The following UTP15 variants were observed in gnomAD, a reference collection of about 807,000 sequenced individuals.
UTP15 encodes U3 small nucleolar RNA-associated protein 15 homolog.
UTP15 carries 5 observed loss-of-function variants against 59.1 expected under a neutral mutation model. The observed-to-expected ratio is 0.08, with a 90% CI of 0.04 to 0.18. The LOEUF is 0.18. Among genes scored for constraint, UTP15 ranks in the 10% least tolerant of loss-of-function variants. The probability of loss-of-function intolerance (pLI) is 1.00; values close to 1 mark genes in which losing one functional copy is unlikely to be tolerated. For missense variants in UTP15, 494 were observed against 616.7 expected (o/e 0.80, Z 2.11); for synonymous variants, 211 against 212.2 (o/e 0.99, Z 0.05).
chr5:73,572,115 A>C (rs1429957082), intron 6 of UTP15, among the ~76,000 whole-genome samples: 1 of 152,052 alleles, frequency 6.6e-6, no homozygotes, highest in Non-Finnish European at 1.5e-5. Context: ...GTCTTTCCAT[A>C]TTAGACTTTT....
At chr5:73,577,713 G>A (rs1748143191) in intron 8 of UTP15, 143 bp from the exon 9 acceptor site, 46 of 679,972 alleles carry the variant, frequency 6.8e-5, no homozygotes, top group South Asian at 6.4e-4. Flanking sequence ...ACCAATCATC[G>A]TTAGGCAGAC....
intron 6 of UTP15, among the ~76,000 whole-genome samples, 164 bp downstream of exon 6, chr5:73,570,875 T>C (rs1016696100): frequency 6.6e-6 from 1 of 152,250 alleles, no homozygotes; most frequent in Non-Finnish European, 1.5e-5. Flanking sequence ...ATTTATTGTG[T>C]ACCTAATGTG....
Position 73,570,709 on chromosome 5 carries a change from C to CAGGT in UTP15, c.673_673+3dup. 6.2e-7 allele frequency: 1 copy of CAGGT among 1,610,848 alleles called. No homozygotes were observed. Among genetic ancestry groups the CAGGT allele is most frequent in the Non-Finnish European group, 8.5e-7 (1 of 1,179,190 alleles). Reference sequence around the variant, plus strand: ...CCCTCTGGAGGTCTTCTGGTGTCAGCAGGTACTTCTTAAAAATAGCTTTCA... The same window carrying CAGGT: ...CCCTCTGGAGGTCTTCTGGTGTCAGCAGGTAGGTACTTCTTAAAAATAGCTTTCA... On this transcript the variant is annotated frameshift_variant and splice_region_variant, in exon 6 of 13. Coordinates refer to ENST00000296792, the MANE Select transcript of UTP15 (RefSeq NM_032175.4). LOFTEE classifies it high-confidence loss of function.
In UTP15 at chr5:73,572,944, C is replaced by T. The variant is rs368709699; in HGVS notation, c.809+320C>T. Among the ~76,000 whole-genome samples the T allele has an allele frequency of 1.1e-3, 171 of 151,970 alleles. 2 individuals carry two copies. The highest frequency in any genetic ancestry group is 3.4e-3 in the African/African-American group (143 of 41,462). On this transcript the variant is annotated intron_variant, in intron 7 of 12. Transcript: ENST00000296792. ...TCCTGAGTAGCTGGGATAACAGGCA[C>T]GCGCCACAATGCCCGGCTAAGTTTT...
At position 73,570,696 on chromosome 5, in the gene UTP15, C is replaced by G; in HGVS notation, c.658C>G (p.Leu220Val). ...TGTCCTACTTTTCCCCTCTGGAGGT[C>G]TTCTGGTGTCAGCAGGTACTTCTTA... ...ESVLLFPSGG[L>V]LVSAGGRYVK... Residue 220 changes from leucine to valine, a missense_variant, in exon 6 of 13, where the codon CTT (leucine) becomes GTT (valine). Transcript: ENST00000296792. 1 of 1,614,018 alleles carries G rather than the reference C, an allele frequency of 6.2e-7. No homozygotes were observed. Among genetic ancestry groups the G allele is most frequent in the Non-Finnish European group, 8.5e-7 (1 of 1,179,976 alleles).
chr5:73,567,205 G>GA (rs1189246818), intron 1 of UTP15, 57 bp from the exon 2 acceptor site: 2 of 459,736 alleles, frequency 4.4e-6, no homozygotes, highest in Non-Finnish European at 7.4e-6. Context: ...AAAGCAGAGT[G>GA]AAAATCAACT....
intron 7 of UTP15, among the ~76,000 whole-genome samples, chr5:73,573,361 ACC>A (rs956846047): frequency 4.1e-5 from 6 of 146,376 alleles, no homozygotes; most frequent in African/African-American, 1.5e-4. Flanking sequence ...GATTCTCGTG[ACC>A]CAGCCTCCCA....
chr5:73,578,166 T>A, intron 9 of UTP15, 161 bp downstream of exon 9: 3 of 664,456 alleles, frequency 4.5e-6, no homozygotes, highest in Non-Finnish European at 7.4e-6. Flanking sequence ...ACATTATTGA[T>A]GAGTAATGGG....
Position 73,580,338 on chromosome 5 carries a change from A to C in UTP15, c.*244A>C, listed in dbSNP as rs945285236. The C allele has an allele frequency of 2.7e-6, 1 of 370,434 alleles. No individual in the cohort carries two copies. Among genetic ancestry groups the C allele is most frequent in the Admixed American group, 4.4e-5 (1 of 22,552 alleles). The allele number at this position is 370,434 out of a possible 1,614,324, so 22.9% of individuals were successfully genotyped here. A position where few individuals can be genotyped will look rare whatever the true frequency, so the allele number is the denominator to read the frequency against. On this transcript the variant is annotated 3_prime_UTR_variant, in exon 13 of 13. Coordinates refer to ENST00000296792, the MANE Select transcript of UTP15 (RefSeq NM_032175.4). The stretch of plus-strand genomic sequence containing the variant: ...ATCTCAATTGTCTTAGTCACAGAGT[A>C]GGTTTATCTGGGATGGATATTAATT...
rs1662202684 is a variant in UTP15 at position 73,570,677 on chromosome 5, A to G, written c.639A>G (p.Leu213=). The G allele has an allele frequency of 6.2e-7, 1 of 1,614,060 alleles. No homozygotes were observed. The highest frequency in any genetic ancestry group is 1.3e-5 in the African/African-American group (1 of 74,938). Residue 213 remains leucine, a synonymous_variant, in exon 6 of 13, where the codon CTA becomes CTG. Transcript: ENST00000296792. Reference sequence around the variant, plus strand: ...ATGGGCAGCCAGTGGAGAGTGTCCTACTTTTCCCCTCTGGAGGTCTTCTGG... The same window carrying G: ...ATGGGCAGCCAGTGGAGAGTGTCCTGCTTTTCCCCTCTGGAGGTCTTCTGG... The part of the protein sequence containing the change: ...VEHGQPVESV[L]LFPSGGLLVS...
chr5:73,580,175 G>C lies in UTP15; in HGVS notation c.*81G>C. ...TAAATGTTGGCGAGAGACTCTCTTT[G>C]ATACATTAAAAAAACTGTTTGCAGA... is the stretch of plus-strand genomic sequence containing the variant. On this transcript the variant is annotated 3_prime_UTR_variant, in exon 13 of 13. Coordinates refer to ENST00000296792, the MANE Select transcript of UTP15 (RefSeq NM_032175.4). The C allele has an allele frequency of 7.9e-7, 1 of 1,264,254 alleles. No homozygotes were observed. The highest frequency in any genetic ancestry group is 1.1e-6 in the Non-Finnish European group (1 of 918,154). 78.3% of individuals were successfully genotyped at this position (1,264,254 alleles called of 1,614,324 possible). A position where few individuals can be genotyped will look rare whatever the true frequency, so the allele number is the denominator to read the frequency against.
chr5:73,568,368 GT>G, intron 3 of UTP15, 41 bp downstream of exon 3: 1 of 1,593,958 alleles, frequency 6.3e-7, no homozygotes, highest in Non-Finnish European at 8.5e-7. Context: ...CTTTTGTATA[GT>G]TTACTACTGA....
In UTP15 at chr5:73,580,769, T is replaced by C. The variant is rs78230777; in HGVS notation, c.*675T>C. Reference sequence around the variant, plus strand: ...CCTTATTGGACTACTTTTTTTTTTTTCTTCATGCAGCCTTTCTACCAAGTT... The same window carrying C: ...CCTTATTGGACTACTTTTTTTTTTTCCTTCATGCAGCCTTTCTACCAAGTT... On this transcript the variant is annotated 3_prime_UTR_variant, in exon 13 of 13. Transcript: ENST00000296792. 2 of 152,160 alleles carry C rather than the reference T, an allele frequency of 1.3e-5. No homozygotes were observed. 9.4% of individuals were successfully genotyped at this position (152,160 alleles called of 1,614,324 possible). A position where few individuals can be genotyped will look rare whatever the true frequency, so the allele number is the denominator to read the frequency against.
At position 73,580,044 on chromosome 5, in the gene UTP15, T is replaced by C. The variant is rs1464960872; in HGVS notation, c.1507T>C (p.Leu503=). The C allele has an allele frequency of 6.2e-7, 1 of 1,613,892 alleles. No individual in the cohort carries two copies. Among genetic ancestry groups the C allele is most frequent in the Non-Finnish European group, 8.5e-7 (1 of 1,179,834 alleles). The part of the protein sequence containing the change: ...TMRRKEGTSV[L]EHTSDGFPEN... ...GAGAAGGAAGGAAGGCACTTCTGTG[T>C]TGGAACACACATCTGATGGATTTCC... The change falls in exon 13 of 13, where the codon TTG becomes CTG. Residue 503 remains leucine, a synonymous_variant. Coordinates refer to ENST00000296792, the MANE Select transcript of UTP15 (RefSeq NM_032175.4).
Position 73,579,140 on chromosome 5 carries a change from T to A in UTP15, c.1270T>A (p.Phe424Ile). Residue 424 changes from phenylalanine to isoleucine, a missense_variant, in exon 11 of 13, where the codon TTT (phenylalanine) becomes ATT (isoleucine). Phe to Ile is a conservative substitution (Grantham distance 21, BLOSUM62 0). Transcript: ENST00000296792. ...DEKEISHVLNFLIRNLSQPRF... is the reference protein window; with the variant it reads ...DEKEISHVLNILIRNLSQPRF... Reference sequence around the variant, plus strand: ...GAAGGAAATCAGTCATGTTCTTAATTTTTTGATAAGGTATGTTTTTTGTCT... The same window carrying A: ...GAAGGAAATCAGTCATGTTCTTAATATTTTGATAAGGTATGTTTTTTGTCT... 1 of 1,613,812 alleles carries A rather than the reference T, an allele frequency of 6.2e-7. No individual in the cohort carries two copies. The highest frequency in any genetic ancestry group is 2.2e-5 in the East Asian group (1 of 44,868).
rs1357431283 is a variant in UTP15, at chr5:73,569,755, T to C, written c.547+80T>C. 5 of 1,283,458 alleles carry C rather than the reference T, an allele frequency of 3.9e-6. No homozygotes were observed. In the East Asian group the frequency reaches 1.3e-4, roughly 34 times the overall value. 79.5% of individuals were successfully genotyped at this position (1,283,458 alleles called of 1,614,324 possible). A position where few individuals can be genotyped will look rare whatever the true frequency, so the allele number is the denominator to read the frequency against. ...ATGTTGCTATGGGACTCTTTTGGGA[T>C]GGAGGGGTTTAAATTTTTTTTATAA... is the stretch of plus-strand genomic sequence containing the variant. On this transcript the variant is annotated intron_variant, in intron 5 of 12. Transcript: ENST00000296792.
chr5:73,566,262 G>A (rs936974114), intron 1 of UTP15: 1 of 210,728 alleles, frequency 4.7e-6, no homozygotes, highest in African/African-American at 2.3e-5. Flanking sequence ...TTGGATGTTA[G>A]GAGTGAGGAA....
Position 73,565,904 on chromosome 5 carries a change from T to A in UTP15, c.-92T>A. The A allele has an allele frequency of 2.2e-6, 1 of 456,260 alleles. No individual in the cohort carries two copies. Among genetic ancestry groups the A allele is most frequent in the Non-Finnish European group, 4.4e-6 (1 of 226,960 alleles). 28.3% of individuals were successfully genotyped at this position (456,260 alleles called of 1,614,324 possible). A position where few individuals can be genotyped will look rare whatever the true frequency, so the allele number is the denominator to read the frequency against. Reference sequence around the variant, plus strand: ...GGTGTCTCGTCGGACCCTTTGGGGCTCAGTGGAGGTAGGTGAAGGCGGCTC... The same window carrying A: ...GGTGTCTCGTCGGACCCTTTGGGGCACAGTGGAGGTAGGTGAAGGCGGCTC... On this transcript the variant is annotated 5_prime_UTR_variant, in exon 1 of 13. Coordinates refer to ENST00000296792, the MANE Select transcript of UTP15 (RefSeq NM_032175.4).
Position 73,580,118 on chromosome 5 carries a change from G to C in UTP15, c.*24G>C. 6.3e-7 allele frequency: 1 copy of C among 1,589,346 alleles called. No individual in the cohort carries two copies. Among genetic ancestry groups the C allele is most frequent in the East Asian group, 2.2e-5 (1 of 44,630 alleles). The stretch of plus-strand genomic sequence containing the variant: ...AGTGTCTGCTAAATAAGACATATAA[G>C]AACTCTGAAGTTGGAATAGATTTGA... On this transcript the variant is annotated 3_prime_UTR_variant, in exon 13 of 13. Coordinates refer to ENST00000296792, the MANE Select transcript of UTP15 (RefSeq NM_032175.4).
Sources: allele counts gnomAD v4.1 joint callset (sites outside exome capture counted in the v4.1 genomes callset), GRCh38; gene constraint gnomAD v4.1.1; transcripts MANE v1.5; gene names NCBI Gene and HGNC (gene_info 2026-07-23, HGNC 2026-07-21).